PTPRK: variants seen among roughly 807,000 people sequenced by gnomAD.
The protein encoded by PTPRK is receptor-type tyrosine-protein phosphatase kappa.
PTPRK carries 75 observed loss-of-function variants against 178.0 expected under a neutral mutation model. The ratio of observed to expected loss-of-function variants is 0.42; its 90% CI spans 0.35 to 0.51. The LOEUF is 0.51. PTPRK is among the 20% of genes least tolerant of loss of function. The pLI, the probability that PTPRK is intolerant of heterozygous loss-of-function variation, is 0.02. For synonymous variants in PTPRK, 637 were observed against 620.6 expected, an observed-to-expected ratio of 1.03 and a Z score of -0.39; for missense variants, 1,441 against 1,797.8, an observed-to-expected ratio of 0.80 and a Z score of 3.59.
chr6:128,417,020 AT>A (rs1842933074), intron 1 of PTPRK, among the ~76,000 whole-genome samples: 1 of 149,234 alleles, frequency 6.7e-6, no homozygotes, highest in African/African-American at 2.4e-5. Flanking sequence ...TCACTATATA[AT>A]TATAGTTATC....
chr6:128,066,968 A>C (rs898059280), intron 12 of PTPRK, among the ~76,000 whole-genome samples: 2 of 152,194 alleles, frequency 1.3e-5, no homozygotes, highest in African/African-American at 4.8e-5. Context: ...CTCAGCAGCC[A>C]GTCATCGCCA....
intron 13 of PTPRK, among the ~76,000 whole-genome samples, chr6:128,059,394 C>T (rs1780444606): frequency 6.6e-6 from 1 of 152,056 alleles, no homozygotes; most frequent in African/African-American, 2.4e-5. Context: ...TTTAGAGATA[C>T]ATTATAAATG....
intron 1 of PTPRK, among the ~76,000 whole-genome samples, chr6:128,451,586 G>A (rs1847803015): frequency 6.6e-6 from 1 of 151,652 alleles, no homozygotes; most frequent in African/African-American, 2.4e-5. Flanking sequence ...AGAAACTGAA[G>A]ATTTGCAAAA....
At chr6:128,312,770 T>C (rs979651427) in intron 3 of PTPRK, among the ~76,000 whole-genome samples, 1 of 151,918 alleles carries the variant, frequency 6.6e-6, no homozygotes. Context: ...TTTTTTTTGC[T>C]GGTTTTGTCC....
chr6:128,110,405 A>G (rs573263539), intron 7 of PTPRK, among the ~76,000 whole-genome samples: 1 of 152,288 alleles, frequency 6.6e-6, no homozygotes, highest in East Asian at 1.9e-4. Context: ...TTTTGGAAGT[A>G]GTAGCCGACG....
At chr6:128,461,731 C>A (rs1391579470) in intron 1 of PTPRK, among the ~76,000 whole-genome samples, 1 of 152,148 alleles carries the variant, frequency 6.6e-6, no homozygotes, top group Non-Finnish European at 1.5e-5. Flanking sequence ...TAAAAGAAAC[C>A]TAGTGCCTAC....
chr6:128,031,707 C>G (rs768976566), intron 13 of PTPRK, among the ~76,000 whole-genome samples: 4 of 152,216 alleles, frequency 2.6e-5, no homozygotes, highest in Non-Finnish European at 5.9e-5. Context: ...ACAATCAAAA[C>G]TGCTTGGGCT....
rs565853711 is a variant in PTPRK at position 128,301,718 on chromosome 6, T to C, written c.495+20321A>G. On this transcript the variant is annotated intron_variant, in intron 3 of 29. Transcript: ENST00000368226. ...TTATCACATATACTAAATGAATATA[T>C]GGTTTTAATTCATCTGAATATACAC... Among the ~76,000 whole-genome samples, 31 of 152,310 alleles carry C rather than the reference T, an allele frequency of 2.0e-4. 1 individual carries two copies. Among genetic ancestry groups the C allele is most frequent in the Admixed American group, 7.2e-4 (11 of 15,288 alleles).
At chr6:128,325,182 T>C (rs1309251905) in intron 2 of PTPRK, among the ~76,000 whole-genome samples, 2 of 152,182 alleles carry the variant, frequency 1.3e-5, no homozygotes, top group African/African-American at 4.8e-5. Flanking sequence ...AATATATCAT[T>C]CAACACAGAG....
chr6:128,377,572 A>G (rs1180812765), intron 2 of PTPRK, among the ~76,000 whole-genome samples: 1 of 152,188 alleles, frequency 6.6e-6, no homozygotes, highest in Non-Finnish European at 1.5e-5. Flanking sequence ...CTGACTTGTA[A>G]GTAATAGACA....
chr6:128,062,682 A>C (rs949849376), intron 13 of PTPRK: 2 of 163,082 alleles, frequency 1.2e-5, no homozygotes, highest in African/African-American at 2.4e-5. Context: ...CTTCATATAT[A>C]TTTTATTTTA....
chr6:128,505,771 A>G (rs1248465993), intron 1 of PTPRK, among the ~76,000 whole-genome samples: 1 of 152,226 alleles, frequency 6.6e-6, no homozygotes, highest in African/African-American at 2.4e-5. Flanking sequence ...AGTCTAACAT[A>G]AAATCCTTCT....
At chr6:128,235,418 T>A (rs993343877) in intron 5 of PTPRK, 9 of 232,474 alleles carry the variant, frequency 3.9e-5, no homozygotes, top group Non-Finnish European at 8.6e-5. Flanking sequence ...TTCATTTCAG[T>A]ATAAATTATA....
intron 7 of PTPRK, among the ~76,000 whole-genome samples, chr6:128,093,607 A>C (rs1179798130): frequency 4.7e-5 from 7 of 147,652 alleles, no homozygotes; most frequent in East Asian, 2.0e-4. Context: ...AAAAAAAAAA[A>C]AAAAAAAAAA....
chr6:128,004,980 C>A, intron 15 of PTPRK, 104 bp downstream of exon 15: 1 of 934,614 alleles, frequency 1.1e-6, no homozygotes, highest in Non-Finnish European at 1.6e-6. Context: ...AGCTGCTTCT[C>A]CCCTCACTTT....
chr6:128,162,922 CCTAA>C (rs1294677299), intron 7 of PTPRK, among the ~76,000 whole-genome samples: 1 of 151,434 alleles, frequency 6.6e-6, no homozygotes, highest in South Asian at 2.1e-4. Flanking sequence ...CAAAATGAAA[CCTAA>C]CTTTCTACTT....
At chr6:128,445,232 ATAG>A (rs1335628324) in intron 1 of PTPRK, among the ~76,000 whole-genome samples, 1 of 146,036 alleles carries the variant, frequency 6.8e-6, no homozygotes, top group Non-Finnish European at 1.5e-5. Context: ...TTTATATATA[ATAG>A]TATAAATACT....
intron 7 of PTPRK, among the ~76,000 whole-genome samples, chr6:128,094,088 G>A (rs1430621664): frequency 1.3e-5 from 2 of 152,106 alleles, no homozygotes; most frequent in Non-Finnish European, 2.9e-5. Flanking sequence ...AACACAGTTG[G>A]AGAAAATTTG....
chr6:128,044,789 T>C (rs953489677), intron 13 of PTPRK, among the ~76,000 whole-genome samples: 2 of 151,976 alleles, frequency 1.3e-5, no homozygotes, highest in African/African-American at 2.4e-5. Flanking sequence ...GAATTATGTA[T>C]CAAAACTTCA....
Sources: gnomAD v4.1 joint callset for allele counts (sites outside exome capture counted in the v4.1 genomes callset) on GRCh38, gnomAD v4.1.1 for gene constraint, MANE v1.5 for transcripts, NCBI Gene and HGNC (gene_info 2026-07-23, HGNC 2026-07-21) for gene names.